ZDHHC16: variants seen among roughly 807,000 people sequenced by gnomAD.
The protein encoded by ZDHHC16 is zDHHC palmitoyltransferase 16.
Under a neutral mutation model 54.4 loss-of-function variants are expected in ZDHHC16, and 33 were observed. The observed-to-expected ratio is 0.61, with a 90% confidence interval of 0.46 to 0.81. The LOEUF is 0.81. Among genes scored for constraint, ZDHHC16 ranks in the 30% least tolerant of loss-of-function variants. The pLI, the probability that ZDHHC16 is intolerant of heterozygous loss-of-function variation, is 0.00. For synonymous variants in ZDHHC16, 185 were observed against 182.1 expected (o/e 1.02, Z -0.13); for missense variants, 420 against 485.9 (o/e 0.86, Z 1.28).
chr10:97,455,033 AAGTT>A (rs1847035637), intron 9 of ZDHHC16, among the ~76,000 whole-genome samples: 1 of 152,212 alleles, frequency 6.6e-6, no homozygotes, highest in African/African-American at 2.4e-5. Flanking sequence ...TAACCAAAGT[AAGTT>A]AAACTCCTTA....
Position 97,457,015 on chromosome 10 carries a change from C to T in ZDHHC16, c.*124C>T. On this transcript the variant is annotated 3_prime_UTR_variant, in exon 12 of 12. Coordinates refer to ENST00000393760, the MANE Select transcript of ZDHHC16 (RefSeq NM_198046.3). ...GAGCCAGTGGGCCTGCCTTAGGGTA[C>T]CATGCAGGACAATTCAAGGACCAGC... The T allele has an allele frequency of 1.6e-6, 1 of 606,206 alleles. No homozygotes were observed. Among genetic ancestry groups the T allele is most frequent in the Non-Finnish European group, 2.7e-6 (1 of 377,136 alleles). 37.6% of individuals were successfully genotyped at this position (606,206 alleles called of 1,614,324 possible). A position where few individuals can be genotyped will look rare whatever the true frequency, so the allele number is the denominator to read the frequency against.
chr10:97,455,332 TAAC>T lies in ZDHHC16; in HGVS notation c.825-320_825-318del, dbSNP rs1202728472. Among the ~76,000 whole-genome samples the T allele has an allele frequency of 6.6e-5, 10 of 152,186 alleles. No individual in the cohort carries two copies. The East Asian group carries it at 1.3e-3, about 20-fold the overall frequency. Reference sequence around the variant, plus strand: ...CCTTTCCACATACTCTCTTTTCCCTTAACAACAACAGAGATGGAGTCTTGCTAT... The same window carrying T: ...CCTTTCCACATACTCTCTTTTCCCTTAACAACAGAGATGGAGTCTTGCTAT... On this transcript the variant is annotated intron_variant, in intron 9 of 11. Transcript: ENST00000393760.
intron 2 of ZDHHC16, 145 bp from the exon 3 acceptor site, chr10:97,451,526 C>T (rs957491365): frequency 3.5e-6 from 4 of 1,141,666 alleles, no homozygotes; most frequent in Admixed American, 2.8e-5. Context: ...GTGAAGTAAC[C>T]TTCCTACTTC....
intron 2 of ZDHHC16, 109 bp from the exon 3 acceptor site, chr10:97,451,562 G>T: frequency 6.9e-7 from 1 of 1,457,952 alleles, no homozygotes; most frequent in Non-Finnish European, 9.2e-7. Context: ...GGCCTAGCTG[G>T]GTCTTAGTCT....
chr10:97,456,705 CTTG>C, intron 11 of ZDHHC16, 69 bp from the exon 12 acceptor site: 2 of 1,123,374 alleles, frequency 1.8e-6, no homozygotes, highest in South Asian at 3.3e-5. Context: ...TTGATGTATG[CTTG>C]TTAAGGAATG....
At position 97,446,353 on chromosome 10, in the gene ZDHHC16, G is replaced by A; in HGVS notation, c.-186G>A. ...CTGACTGGGGAGTCGGCAGGCGGCAGGTAAGGGCGAAGCCTCGGCCCTTGC... is the reference window on the plus strand; with the variant it reads ...CTGACTGGGGAGTCGGCAGGCGGCAAGTAAGGGCGAAGCCTCGGCCCTTGC... On this transcript the variant is annotated splice_region_variant and 5_prime_UTR_variant, in exon 1 of 12. Coordinates refer to ENST00000393760, the MANE Select transcript of ZDHHC16 (RefSeq NM_198046.3). 2.6e-6 allele frequency: 1 copy of A among 389,456 alleles called. No individual in the cohort carries two copies. The highest frequency in any genetic ancestry group is 4.7e-6 in the Non-Finnish European group (1 of 212,336). 24.1% of individuals were successfully genotyped at this position (389,456 alleles called of 1,614,324 possible).
intron 9 of ZDHHC16, 48 bp downstream of exon 9, chr10:97,454,847 GT>G: frequency 6.4e-7 from 1 of 1,553,032 alleles, no homozygotes; most frequent in Non-Finnish European, 8.9e-7. Flanking sequence ...CAGAAAAAAA[GT>G]TTTTTAGGTG....
At chr10:97,455,920 C>CA (rs1410654486) in intron 10 of ZDHHC16, 54 bp from the exon 11 acceptor site, 12 of 1,611,044 alleles carry the variant, frequency 7.4e-6, no homozygotes, top group Non-Finnish European at 2.5e-6. Context: ...TTAGCTTAGC[C>CA]AATTTAGTCT....
intron 1 of ZDHHC16, among the ~76,000 whole-genome samples, chr10:97,446,794 T>G (rs1218321244): frequency 3.9e-5 from 6 of 152,238 alleles, no homozygotes; most frequent in Admixed American, 2.0e-4. Context: ...CTCTGTTCAC[T>G]GCAACCTCCG....
chr10:97,454,059 A>G (rs778384465), intron 8 of ZDHHC16, among the ~76,000 whole-genome samples: 26 of 152,176 alleles, frequency 1.7e-4, no homozygotes, highest in South Asian at 4.1e-4. Context: ...AGTTTTGGCT[A>G]TCTATCCCGT....
chr10:97,446,565 A>T (rs1250965231), intron 1 of ZDHHC16, among the ~76,000 whole-genome samples: 1 of 152,210 alleles, frequency 6.6e-6, no homozygotes, highest in African/African-American at 2.4e-5. Flanking sequence ...CGTCTGTTTC[A>T]CAGATATGGA....
intron 9 of ZDHHC16, 196 bp from the exon 10 acceptor site, chr10:97,455,464 G>T: frequency 1.1e-6 from 1 of 929,552 alleles, no homozygotes; most frequent in Non-Finnish European, 1.6e-6. Flanking sequence ...TTTATTCTTA[G>T]GCCACTTTGA....
In ZDHHC16 at chr10:97,456,813, C is replaced by T. The variant is rs1347197512; in HGVS notation, c.1056C>T (p.His352=). 1 of 1,613,886 alleles carries T rather than the reference C, an allele frequency of 6.2e-7. No homozygotes were observed. The highest frequency in any genetic ancestry group is 8.5e-7 in the Non-Finnish European group (1 of 1,179,864). The change falls in exon 12 of 12, where the codon CAC becomes CAT. Residue 352 remains histidine (H), a synonymous_variant. Transcript: ENST00000393760. ...CTCGGGTGCTCTTACCTTCTAGTCA[C>T]TTGCCCCATGGGAATGGAATGAGCT... The part of the protein sequence containing the change: ...WLTRVLLPSS[H]LPHGNGMSWE...
In ZDHHC16 at chr10:97,453,818, A is replaced by G; in HGVS notation, c.710A>G (p.Lys237Arg). Reference protein sequence around the residue: ...AAIEKMKQLDKNKLQAVANQT... With the variant: ...AAIEKMKQLDRNKLQAVANQT... The stretch of plus-strand genomic sequence containing the variant: ...CCTTAGAAAATGAAACAGCTCGACA[A>G]GAACAAACTACAGGCGGTTGCCAAC... Residue 237 changes from lysine to arginine, a missense_variant, in exon 8 of 12, where the codon AAG becomes AGG. Physicochemically the swap from Lys to Arg is conservative, Grantham distance 26. Transcript: ENST00000393760. 2 of 1,614,254 alleles carry G rather than the reference A, an allele frequency of 1.2e-6. No individual in the cohort carries two copies. Among genetic ancestry groups the G allele is most frequent in the Non-Finnish European group, 1.7e-6 (2 of 1,180,048 alleles).
intron 5 of ZDHHC16, 76 bp from the exon 6 acceptor site, chr10:97,452,819 C>A: frequency 6.3e-7 from 1 of 1,596,304 alleles, no homozygotes; most frequent in South Asian, 1.1e-5. Context: ...GGATGCTGGT[C>A]CTTGTAGGGA....
chr10:97,456,252 A>T (rs1033491558), intron 11 of ZDHHC16: 9 of 538,262 alleles, frequency 1.7e-5, no homozygotes, highest in Admixed American at 1.1e-4. Flanking sequence ...CTTCAACGTG[A>T]CTACAGTGGA....
intron 1 of ZDHHC16, 22 bp downstream of exon 1, chr10:97,446,375 T>G: frequency 2.9e-6 from 1 of 342,516 alleles, no homozygotes. Context: ...GCCTCGGCCC[T>G]TGCTCCCCAT....
At chr10:97,453,006 C>G in intron 6 of ZDHHC16, 83 bp downstream of exon 6, 1 of 1,571,110 alleles carries the variant, frequency 6.4e-7, no homozygotes, top group Non-Finnish European at 8.8e-7. Flanking sequence ...ATTTTAGCAT[C>G]ACCGTGCAGA....
At chr10:97,450,866 T>TC (rs1181906439) in intron 2 of ZDHHC16, 1 of 151,920 alleles carries the variant, frequency 6.6e-6, no homozygotes, top group Admixed American at 6.6e-5. Context: ...AACATGGAGG[T>TC]CCCCTCCCAT....
Sources: gnomAD v4.1 joint callset for allele counts (sites outside exome capture counted in the v4.1 genomes callset) on GRCh38, gnomAD v4.1.1 for gene constraint, MANE v1.5 for transcripts, NCBI Gene and HGNC (gene_info 2026-07-23, HGNC 2026-07-21) for gene names.